The following LMTK3 variants were observed in gnomAD, a reference collection of about 807,000 sequenced individuals.
LMTK3 encodes serine/threonine-protein kinase LMTK3.
A neutral mutation model predicts 116.7 loss-of-function variants in LMTK3; 27 were observed. That is an observed-to-expected ratio of 0.23 (90% confidence interval 0.17 to 0.32). The LOEUF (loss-of-function observed/expected upper bound fraction) is 0.32. Ranked by LOEUF, LMTK3 falls within the 10% of genes least tolerant of loss-of-function variation. The pLI, the probability that LMTK3 is intolerant of heterozygous loss-of-function variation, is 1.00. For synonymous variants in LMTK3, 965 were observed against 971.0 expected, an observed-to-expected ratio of 0.99 and a Z score of 0.11; for missense variants, 1,764 against 2,068.5, an observed-to-expected ratio of 0.85 and a Z score of 2.86.
At chr19:48,496,541 C>T (rs1013362954) in intron 11 of LMTK3, among the ~76,000 whole-genome samples, 3 of 152,292 alleles carry the variant, frequency 2.0e-5, no homozygotes, top group Admixed American at 1.3e-4. Flanking sequence ...TCAGGTGATC[C>T]GCCCACCTCG....
At chr19:48,510,404 G>T in intron 2 of LMTK3, 55 bp downstream of exon 2, 1 of 1,559,828 alleles carries the variant, frequency 6.4e-7, no homozygotes, top group Non-Finnish European at 8.7e-7. Flanking sequence ...TGTGTAGGGG[G>T]TAAAGGCCTT....
chr19:48,505,103 CTTTTTT>C lies in LMTK3; in HGVS notation c.558-2113_558-2108del, dbSNP rs33927563. On this transcript the variant is annotated intron_variant, in intron 5 of 14. Transcript: ENST00000600059. ...AGTTTCTCTCTCTCTCTCTCTCTCT[CTTTTTT>C]TTTTTTTTTTTTTTTTTTTTATGAG... is the stretch of plus-strand genomic sequence containing the variant. Among the ~76,000 whole-genome samples, 9 of 55,580 alleles carry C rather than the reference CTTTTTT, an allele frequency of 1.6e-4. No homozygotes were observed. The East Asian group carries it at 2.4e-3, about 15-fold the overall frequency. 36.5% of individuals were successfully genotyped at this position (55,580 alleles called of 152,430 possible).
chr19:48,510,615 G>A, intron 1 of LMTK3, 23 bp from the exon 2 acceptor site: 1 of 1,523,898 alleles, frequency 6.6e-7, no homozygotes, highest in Non-Finnish European at 8.8e-7. Context: ...GGCTGGGCTG[G>A]GGTCCCAGCT....
chr19:48,498,208 C>G lies in LMTK3; in HGVS notation c.2861G>C (p.Arg954Thr). 1.2e-6 allele frequency: 2 copies of G among 1,613,548 alleles called. No individual in the cohort carries two copies. Among genetic ancestry groups the G allele is most frequent in the Non-Finnish European group, 1.7e-6 (2 of 1,179,774 alleles). Residue 954 changes from arginine to threonine, a missense_variant, in exon 11 of 15, where the codon AGA (arginine) becomes ACA (threonine). Physicochemically the swap from Arg to Thr is moderately conservative, Grantham distance 71. Coordinates refer to ENST00000600059, the MANE Select transcript of LMTK3 (RefSeq NM_001388485.1). ...AENGALGSPE[R>T]EEKVLENGEL... ...CCCATTCTCCAGCACTTTCTCTTCT[C>G]TCTCGGGGGACCCCAGGGCCCCATT...
chr19:48,506,020 T>C (rs1043398175), intron 5 of LMTK3, among the ~76,000 whole-genome samples: 1 of 151,406 alleles, frequency 6.6e-6, no homozygotes, highest in African/African-American at 2.4e-5. Context: ...TGGGCGCCTG[T>C]AATCGCAGCT....
At chr19:48,513,465 G>A (rs1198106025), upstream of LMTK3, 1 of 479,832 alleles carries the variant, frequency 2.1e-6, no homozygotes, top group Non-Finnish European at 3.8e-6. This position sits in a 1 kb window ranked among gnomAD's most constrained non-coding sequence, Gnocchi z 5.6. Flanking sequence ...CATCAGACAA[G>A]GACACACATA....
In LMTK3 at chr19:48,510,118, T is replaced by C; in HGVS notation, c.266A>G (p.Glu89Gly). Residue 89 changes from glutamate (E) to glycine (G), a missense_variant, in exon 3 of 15, where the codon GAG (glutamate) becomes GGG (glycine). Coordinates refer to ENST00000600059, the MANE Select transcript of LMTK3 (RefSeq NM_001388485.1). Reference sequence around the variant, plus strand: ...CAGCGACTGTGAGGAGGAGGTCTCCTCCGCAGGGGGAGTGTACTCCCCGGA... The same window carrying C: ...CAGCGACTGTGAGGAGGAGGTCTCCCCCGCAGGGGGAGTGTACTCCCCGGA... ...DCSGEYTPPA[E>G]ETSSSQSLPD... 6.2e-7 allele frequency: 1 copy of C among 1,613,736 alleles called. No individual in the cohort carries two copies. The highest frequency in any genetic ancestry group is 8.5e-7 in the Non-Finnish European group (1 of 1,179,804).
At chr19:48,490,053 G>A (rs544512991) in intron 14 of LMTK3, among the ~76,000 whole-genome samples, 31 of 152,314 alleles carry the variant, frequency 2.0e-4, no homozygotes, top group African/African-American at 7.2e-4. Context: ...GGGGCGGCAT[G>A]ACCCCTCTCC....
At chr19:48,508,485 G>C (rs1160021803) in intron 5 of LMTK3, among the ~76,000 whole-genome samples, 2 of 152,060 alleles carry the variant, frequency 1.3e-5, no homozygotes, top group African/African-American at 2.4e-5. Context: ...CTGTGGCCTG[G>C]GGAAGGGAAG....
chr19:48,509,010 C>T (rs1409966496), intron 4 of LMTK3, 41 bp from the exon 5 acceptor site: 2 of 1,373,040 alleles, frequency 1.5e-6, no homozygotes, highest in Non-Finnish European at 2.0e-6. Flanking sequence ...TGCCGTTTCC[C>T]CAGCCCCGTC....
At chr19:48,507,703 T>C (rs1462438357) in intron 5 of LMTK3, among the ~76,000 whole-genome samples, 3 of 152,200 alleles carry the variant, frequency 2.0e-5, no homozygotes, top group African/African-American at 4.8e-5. Flanking sequence ...CTCCAATTTC[T>C]GGCCTCAAGT....
At chr19:48,490,825 C>A (rs575432209) in intron 14 of LMTK3, among the ~76,000 whole-genome samples, 1 of 152,228 alleles carries the variant, frequency 6.6e-6, no homozygotes, top group South Asian at 2.1e-4. Flanking sequence ...AGAGATGGGA[C>A]AAAGATGGGC....
chr19:48,505,162 G>A (rs1479742680), intron 5 of LMTK3, among the ~76,000 whole-genome samples: 4 of 124,806 alleles, frequency 3.2e-5, no homozygotes, highest in Non-Finnish European at 4.7e-5. Flanking sequence ...CGCCCAGGCT[G>A]GAGTGCAGTG....
chr19:48,504,196 G>A (rs1225274779), intron 5 of LMTK3, among the ~76,000 whole-genome samples: 1 of 152,106 alleles, frequency 6.6e-6, no homozygotes, highest in South Asian at 2.1e-4. Flanking sequence ...TCTGCAGAAC[G>A]CCCTCCTCTC....
intron 7 of LMTK3, among the ~76,000 whole-genome samples, chr19:48,502,187 A>C (rs1388683699): frequency 1.8e-4 from 12 of 68,262 alleles, no homozygotes; most frequent in African/African-American, 3.0e-4. Context: ...TCCTCTCCTG[A>C]CCCCTTTTCC....
rs1334666711 is a variant in LMTK3 at position 48,511,573 on chromosome 19, G to A, written c.4C>T (p.Pro2Ser). Residue 2 changes from proline (P) to serine (S), a missense_variant, in exon 1 of 15, where the codon CCT becomes TCT. This residue lies in a region of LMTK3 where 66 missense variants were observed against 61.1 expected (regional missense o/e 1.08). Coordinates refer to ENST00000600059, the MANE Select transcript of LMTK3 (RefSeq NM_001388485.1). ...AGGAGGATGAGGGCGCCGGGGGCAG[G>A]CATCTTGTCGAGGATGGCAGGGAGG... M[P>S]APGALILLAA... 2 of 1,403,368 alleles carry A rather than the reference G, an allele frequency of 1.4e-6. No individual in the cohort carries two copies. The highest frequency in any genetic ancestry group is 1.9e-6 in the Non-Finnish European group (2 of 1,061,990). The allele number at this position is 1,403,368 out of a possible 1,614,324, so 86.9% of individuals were successfully genotyped here. A position where few individuals can be genotyped will look rare whatever the true frequency, so the allele number is the denominator to read the frequency against.
At chr19:48,493,400 C>T (rs901330488) in intron 12 of LMTK3, among the ~76,000 whole-genome samples, 4 of 140,428 alleles carry the variant, frequency 2.8e-5, no homozygotes, top group Non-Finnish European at 5.9e-5. Flanking sequence ...CCCCGCCCCA[C>T]TCTAGATTGG....
At chr19:48,492,635 G>C (rs779182449) in intron 12 of LMTK3, among the ~76,000 whole-genome samples, 25 of 152,034 alleles carry the variant, frequency 1.6e-4, no homozygotes, top group Non-Finnish European at 2.6e-4. Context: ...CCCTTCCCTA[G>C]TGGGTAAGAT....
rs1173755065 is a variant in LMTK3, at chr19:48,498,624, C to G, written c.2445G>C (p.Glu815Asp). 1.9e-6 allele frequency: 3 copies of G among 1,542,912 alleles called. No individual in the cohort carries two copies. In the South Asian group the frequency reaches 3.6e-5, roughly 18 times the overall value. Residue 815 changes from glutamate to aspartate, a missense_variant, in exon 11 of 15, where the codon GAG becomes GAC. Transcript: ENST00000600059. ...GAGCCCGCGGCCGAGGGACCCCTTC[C>G]TCCTCGGCCGCCCCCCCACCTGGGA... ...GAFPGGGAAE[E>D]EGVPRPRAPP...
Sources: gnomAD v4.1 joint callset for allele counts (sites outside exome capture counted in the v4.1 genomes callset) on GRCh38, gnomAD v4.1.1 for gene constraint, gnomAD v4.1.1 regional missense constraint, Gnocchi (gnomAD v3.1) non-coding constraint, MANE v1.5 for transcripts, NCBI Gene and HGNC (gene_info 2026-07-23, HGNC 2026-07-21) for gene names.